ZFX: variants seen among roughly 807,000 people sequenced by gnomAD.
ZFX encodes zinc finger X-chromosomal protein.
For synonymous variants in ZFX, 196 were observed against 226.8 expected (o/e 0.86, Z 1.22); for missense variants, 362 against 628.3 (o/e 0.58, Z 4.53).
chrX:24,160,448 A>C (rs1048951038), intron 3 of ZFX, among the ~76,000 whole-genome samples: 2 of 109,673 alleles, frequency 1.8e-5, no homozygotes, highest in African/African-American at 6.6e-5. Context: ...ACAGACGTGC[A>C]CCAGCACACC....
At chrX:24,187,814 G>GA (rs1296651887) in intron 5 of ZFX, among the ~76,000 whole-genome samples, 1 of 111,381 alleles carries the variant, frequency 9.0e-6, no homozygotes, top group Admixed American at 9.6e-5. Context: ...AAGATAAACA[G>GA]AAACAGGCAA....
At chrX:24,192,633 A>C (rs776431697) in intron 5 of ZFX, among the ~76,000 whole-genome samples, 5 of 111,838 alleles carry the variant, frequency 4.5e-5, no homozygotes, top group African/African-American at 1.3e-4. Context: ...GAAGCCTGGC[A>C]CAATGGCTCA....
chrX:24,158,598 G>A (rs1042731021), intron 3 of ZFX, among the ~76,000 whole-genome samples: 1 of 111,195 alleles, frequency 9.0e-6, no homozygotes, highest in Non-Finnish European at 1.9e-5. Flanking sequence ...ATATGATATT[G>A]TAGTGGGCTT....
At chrX:24,205,856 AAAAAT>A (rs1406279138) in intron 5 of ZFX, among the ~76,000 whole-genome samples, 7 of 111,565 alleles carry the variant, frequency 6.3e-5, no homozygotes, top group Non-Finnish European at 1.3e-4. Context: ...ATAAATAAAT[AAAAAT>A]AAAATAAAAT....
rs147375410 is a variant in ZFX at position 24,156,007 on chromosome X, C to G, written c.-29+3177C>G. ...TGCCTCCCAGGTTCAAGCAATTGTC[C>G]TGCCTCAGCCTCCTGAGTAGCTGGG... On this transcript the variant is annotated intron_variant, in intron 3 of 9. Coordinates refer to ENST00000304543, the MANE Select transcript of ZFX (RefSeq NM_003410.4). Among the ~76,000 whole-genome samples the G allele has an allele frequency of 9.3e-3, 1,038 of 112,080 alleles. 11 individuals carry two copies. The highest frequency in any genetic ancestry group is 0.031 in the African/African-American group (969 of 30,834).
At position 24,210,770 on chromosome X, in the gene ZFX, A is replaced by G; in HGVS notation, c.1812A>G (p.Pro604=). 1.7e-6 allele frequency: 2 copies of G among 1,212,072 alleles called. No homozygotes were observed. Among genetic ancestry groups the G allele is most frequent in the Non-Finnish European group, 2.2e-6 (2 of 895,585 alleles). The change falls in exon 10 of 10, where the codon CCA becomes CCG. Residue 604 remains proline, a synonymous_variant. Transcript: ENST00000304543. ...AAACTAAGCATAGTAAAGAGATGCCATTCAAGTGTGACATTTGTCTTCTGA... is the reference window on the plus strand; with the variant it reads ...AAACTAAGCATAGTAAAGAGATGCCGTTCAAGTGTGACATTTGTCTTCTGA... The part of the protein sequence containing the change: ...HVKTKHSKEM[P]FKCDICLLTF...
At chrX:24,151,119 C>T (rs1298180993) in intron 1 of ZFX, among the ~76,000 whole-genome samples, 1 of 112,329 alleles carries the variant, frequency 8.9e-6, no homozygotes, top group Non-Finnish European at 1.9e-5. Context: ...CATCCCCTAA[C>T]GTACTTTTTT....
At chrX:24,179,829 T>G in intron 5 of ZFX, 59 bp downstream of exon 5, 1 of 1,032,694 alleles carries the variant, frequency 9.7e-7, no homozygotes, top group Non-Finnish European at 1.3e-6. Flanking sequence ...TCTTCTAATT[T>G]ACATCAGGGG....
At chrX:24,207,269 A>G in intron 5 of ZFX, 57 bp from the exon 6 acceptor site, 1 of 1,030,563 alleles carries the variant, frequency 9.7e-7, no homozygotes, top group South Asian at 2.2e-5. Context: ...TTTTGCGAAT[A>G]GTAACATTTT....
At position 24,210,935 on chromosome X, in the gene ZFX, C is replaced by T. The variant is rs1938041074; in HGVS notation, c.1977C>T (p.Asp659=). ...KRHIISVHTK[D]YPHKCDMCDK... is the part of the protein sequence containing the mutation. ...ACATAATTTCAGTTCACACGAAAGA[C>T]TACCCCCATAAGTGTGACATGTGTG... The change falls in exon 10 of 10, where the codon GAC becomes GAT. Residue 659 remains aspartate (D), a synonymous_variant. Transcript: ENST00000304543. 5 of 1,211,779 alleles carry T rather than the reference C, an allele frequency of 4.1e-6. No individual in the cohort carries two copies. In the East Asian group the frequency reaches 1.5e-4, roughly 36 times the overall value.
chrX:24,149,013 G>A (rs1931630123), upstream of ZFX, among the ~76,000 whole-genome samples: 1 of 110,927 alleles, frequency 9.0e-6, no homozygotes, highest in East Asian at 2.8e-4. Context: ...GTGCTCTAGG[G>A]ATAACCCTTC....
In ZFX at chrX:24,215,051, C is replaced by T. The variant is rs1172551895; in HGVS notation, c.*3675C>T. 1 of 111,908 alleles carries T rather than the reference C, an allele frequency of 8.9e-6. No homozygotes were observed. The highest frequency in any genetic ancestry group is 3.2e-5 in the African/African-American group (1 of 30,772). The allele number at this position is 111,908 out of a possible 1,213,427, so 9.2% of individuals were successfully genotyped here. A position where few individuals can be genotyped will look rare whatever the true frequency, so the allele number is the denominator to read the frequency against. Reference sequence around the variant, plus strand: ...CAGTTCTTCCAACTGTATGAACAAACGTTTGCCTAATAGTTGAAACAATAA... The same window carrying T: ...CAGTTCTTCCAACTGTATGAACAAATGTTTGCCTAATAGTTGAAACAATAA... On this transcript the variant is annotated 3_prime_UTR_variant, in exon 10 of 10. Transcript: ENST00000304543.
rs1020966198 is a variant in ZFX at position 24,210,886 on chromosome X, C to T, written c.1928C>T (p.Ser643Leu). Residue 643 changes from serine to leucine, a missense_variant, in exon 10 of 10, where the codon TCG becomes TTG. By Grantham distance (145) the Ser-to-Leu change is moderately radical. Transcript: ENST00000304543. ...TGTTTGCATTGCGACCACAAGAGTT[C>T]GAACTCAAGTGATTTGAAACGACAC... ...HQCLHCDHKS[S>L]NSSDLKRHII... is the part of the protein sequence containing the mutation. 1 of 1,210,833 alleles carries T rather than the reference C, an allele frequency of 8.3e-7. No homozygotes were observed. The highest frequency in any genetic ancestry group is 1.1e-6 in the Non-Finnish European group (1 of 895,294).
intron 8 of ZFX, 145 bp downstream of exon 8, chrX:24,208,515 A>G: frequency 2.5e-6 from 2 of 793,569 alleles, no homozygotes; most frequent in Non-Finnish European, 3.5e-6. Context: ...ATTAGAGTAT[A>G]AAGTCTACTT....
chrX:24,164,416 T>C (rs774616603), intron 3 of ZFX, among the ~76,000 whole-genome samples: 3 of 112,276 alleles, frequency 2.7e-5, no homozygotes, highest in Non-Finnish European at 5.6e-5. Flanking sequence ...CCCAGTGTTA[T>C]ATTCTTGCCA....
chrX:24,153,285 C>G (rs754859961), intron 3 of ZFX, among the ~76,000 whole-genome samples: 31 of 111,805 alleles, frequency 2.8e-4, no homozygotes, highest in Middle Eastern at 4.6e-3. Context: ...AGATGGCCAT[C>G]TGATAAAGAG....
chrX:24,151,902 G>A (rs1932199490), intron 2 of ZFX, 102 bp downstream of exon 2: 1 of 111,831 alleles, frequency 8.9e-6, no homozygotes, highest in Non-Finnish European at 1.9e-5. Flanking sequence ...TTACAAGAAT[G>A]TTCAGAAGTT....
chrX:24,213,741 C>G lies in ZFX; in HGVS notation c.*2365C>G, dbSNP rs931876534. On this transcript the variant is annotated 3_prime_UTR_variant, in exon 10 of 10. Coordinates refer to ENST00000304543, the MANE Select transcript of ZFX (RefSeq NM_003410.4). Reference sequence around the variant, plus strand: ...TTGTGATCCGTGATTCATTGCCCTGCGATTCTTGAAAGCTCTGTCTGTTTT... The same window carrying G: ...TTGTGATCCGTGATTCATTGCCCTGGGATTCTTGAAAGCTCTGTCTGTTTT... The G allele has an allele frequency of 9.7e-6, 1 of 103,417 alleles. No individual in the cohort carries two copies. Among genetic ancestry groups the G allele is most frequent in the Non-Finnish European group, 2.0e-5 (1 of 50,838 alleles). 8.5% of individuals were successfully genotyped at this position (103,417 alleles called of 1,213,427 possible). A position where few individuals can be genotyped will look rare whatever the true frequency, so the allele number is the denominator to read the frequency against.
intron 5 of ZFX, among the ~76,000 whole-genome samples, chrX:24,199,811 G>A (rs764649206): frequency 5.4e-4 from 59 of 109,959 alleles, no homozygotes; most frequent in African/African-American, 2.0e-3. Context: ...CAGCTACTTG[G>A]GAGGCTGAGG....
Sources: gnomAD v4.1 joint callset for allele counts (sites outside exome capture counted in the v4.1 genomes callset) on GRCh38, gnomAD v4.1.1 for gene constraint, MANE v1.5 for transcripts, NCBI Gene and HGNC (gene_info 2026-07-23, HGNC 2026-07-21) for gene names.